The following MAP4K4 variants were observed in gnomAD, a reference collection of about 807,000 sequenced individuals.
MAP4K4 encodes the protein HPK/GCK-like kinase HGK.
MAP4K4 carries 38 observed loss-of-function variants against 189.6 expected under a neutral mutation model. The observed-to-expected ratio is 0.20, with a 90% CI of 0.15 to 0.26. The LOEUF is 0.26. MAP4K4 is among the 10% of genes least tolerant of loss of function. MAP4K4 has a pLI of 1.00. For missense variants in MAP4K4, 1,054 were observed against 1,726.9 expected, an observed-to-expected ratio of 0.61 and a Z score of 6.91; for synonymous variants, 610 against 624.3, an observed-to-expected ratio of 0.98 and a Z score of 0.34.
At chr2:101,864,082 T>C in intron 17 of MAP4K4, 31 bp downstream of exon 17, 1 of 1,202,054 alleles carries the variant, frequency 8.3e-7, no homozygotes, top group Non-Finnish European at 1.1e-6. Context: ...TGTGTGCTGC[T>C]TTTTTCCTTT....
chr2:101,741,254 G>A (rs933754588), intron 2 of MAP4K4, among the ~76,000 whole-genome samples: 5 of 146,622 alleles, frequency 3.4e-5, no homozygotes, highest in South Asian at 4.4e-4. Context: ...TGCAAGCTCC[G>A]CCTCCTGGGT....
At chr2:101,773,630 A>G (rs1360425635) in intron 2 of MAP4K4, among the ~76,000 whole-genome samples, 2 of 152,174 alleles carry the variant, frequency 1.3e-5, no homozygotes, top group Non-Finnish European at 2.9e-5. Context: ...TAAAATGTAC[A>G]ATTAAATTAT....
intron 2 of MAP4K4, 41 bp from the exon 3 acceptor site, chr2:101,790,679 A>C (rs1410791391): frequency 6.7e-7 from 1 of 1,497,998 alleles, no homozygotes; most frequent in Admixed American, 1.8e-5. Context: ...TTGTGCAAAA[A>C]AATTGGTGCT....
intron 2 of MAP4K4, among the ~76,000 whole-genome samples, chr2:101,782,998 T>C (rs1421018761): frequency 6.6e-6 from 1 of 152,140 alleles, no homozygotes; most frequent in South Asian, 2.1e-4. Flanking sequence ...GCTGTACTCA[T>C]GCCATTCAGC....
chr2:101,750,933 G>C (rs1330991985), intron 2 of MAP4K4, among the ~76,000 whole-genome samples: 1 of 151,926 alleles, frequency 6.6e-6, no homozygotes, highest in Non-Finnish European at 1.5e-5. Flanking sequence ...GTTTGCTTCT[G>C]CTGTAAGTCC....
At chr2:101,776,221 G>C (rs2084019757) in intron 2 of MAP4K4, among the ~76,000 whole-genome samples, 1 of 152,146 alleles carries the variant, frequency 6.6e-6, no homozygotes, top group Non-Finnish European at 1.5e-5. Context: ...TTAATTAAAA[G>C]TAAAACAAAA....
intron 27 of MAP4K4, among the ~76,000 whole-genome samples, chr2:101,879,236 G>A (rs1173405366): frequency 6.9e-6 from 1 of 145,346 alleles, no homozygotes; most frequent in Non-Finnish European, 1.5e-5. Context: ...ATTATAATCA[G>A]CTGATACCAG....
intron 12 of MAP4K4, 62 bp from the exon 13 acceptor site, chr2:101,855,915 T>C: frequency 6.7e-7 from 1 of 1,502,194 alleles, no homozygotes; most frequent in Non-Finnish European, 9.0e-7. Flanking sequence ...ATCAGCACAC[T>C]ATAACATCAT....
At chr2:101,799,737 G>T (rs898664711) in intron 3 of MAP4K4, among the ~76,000 whole-genome samples, 2 of 152,100 alleles carry the variant, frequency 1.3e-5, no homozygotes, top group Non-Finnish European at 2.9e-5. Flanking sequence ...GAGTAGGTGG[G>T]ACTACAGATG....
intron 26 of MAP4K4, among the ~76,000 whole-genome samples, chr2:101,875,825 A>G (rs914534583): frequency 1.3e-5 from 2 of 152,236 alleles, no homozygotes; most frequent in African/African-American, 4.8e-5. Context: ...GCTTTGGCCA[A>G]GGGGCAGGCA....
intron 2 of MAP4K4, among the ~76,000 whole-genome samples, chr2:101,713,511 G>A (rs1213647349): frequency 2.0e-5 from 3 of 151,446 alleles, no homozygotes; most frequent in African/African-American, 4.9e-5. Context: ...CATGAGAATT[G>A]CTTGAACTCA....
chr2:101,811,386 A>AAGGG (rs1553493583), intron 3 of MAP4K4, among the ~76,000 whole-genome samples: 10 of 140,754 alleles, frequency 7.1e-5, no homozygotes, highest in African/African-American at 3.1e-4. Context: ...AAAAAAAAAA[A>AAGGG]AAAAAGAATG....
At chr2:101,719,656 G>A (rs1574176067) in intron 2 of MAP4K4, among the ~76,000 whole-genome samples, 1 of 152,182 alleles carries the variant, frequency 6.6e-6, no homozygotes, top group East Asian at 1.9e-4. Context: ...ACCTAGGAAA[G>A]CAGACAGTAA....
rs141502215 is a variant in MAP4K4, at chr2:101,831,123, C to T, written c.509-598C>T. Reference sequence around the variant, plus strand: ...TCTTCCTGCCAGCTCTGCCTCCCGTCCTTGAACTTTCCTCTAGACCACCAC... The same window carrying T: ...TCTTCCTGCCAGCTCTGCCTCCCGTTCTTGAACTTTCCTCTAGACCACCAC... On this transcript the variant is annotated intron_variant, in intron 6 of 32. Transcript: ENST00000324219. Among the ~76,000 whole-genome samples, 726 of 152,266 alleles carry T rather than the reference C, an allele frequency of 4.8e-3. 9 individuals carry two copies. Among genetic ancestry groups the T allele is most frequent in the African/African-American group, 0.017 (687 of 41,532 alleles).
rs916558479 is a variant in MAP4K4 at position 101,891,328 on chromosome 2, C to T, written c.*79C>T. 1.4e-5 allele frequency: 18 copies of T among 1,277,388 alleles called. No individual in the cohort carries two copies. In the East Asian group the frequency reaches 1.6e-4, roughly 12 times the overall value. The allele number at this position is 1,277,388 out of a possible 1,614,324, so 79.1% of individuals were successfully genotyped here. A position where few individuals can be genotyped will look rare whatever the true frequency, so the allele number is the denominator to read the frequency against. Reference sequence around the variant, plus strand: ...CTTGGAATTCCTTGTAACTGGAGCTCGGAGCTGCACCGAGGGCAACCAGGA... The same window carrying T: ...CTTGGAATTCCTTGTAACTGGAGCTTGGAGCTGCACCGAGGGCAACCAGGA... On this transcript the variant is annotated 3_prime_UTR_variant, in exon 33 of 33. Transcript: ENST00000324219.
chr2:101,827,752 AG>A (rs2096426622), intron 5 of MAP4K4, among the ~76,000 whole-genome samples: 1 of 152,202 alleles, frequency 6.6e-6, no homozygotes, highest in South Asian at 2.1e-4. Flanking sequence ...TCCACATGGC[AG>A]TATCTTCATA....
intron 2 of MAP4K4, among the ~76,000 whole-genome samples, chr2:101,707,622 C>A (rs373730731): frequency 2.0e-5 from 3 of 152,026 alleles, no homozygotes; most frequent in African/African-American, 7.2e-5. Context: ...AAGCAAACTT[C>A]CCACATCAGC....
At chr2:101,748,050 A>T (rs2066558390) in intron 2 of MAP4K4, among the ~76,000 whole-genome samples, 3 of 152,208 alleles carry the variant, frequency 2.0e-5, no homozygotes, top group Admixed American at 2.0e-4. Context: ...TCAGTTGTAT[A>T]CATTGTAGTC....
chr2:101,802,602 C>T (rs1207878459), intron 3 of MAP4K4, among the ~76,000 whole-genome samples: 1 of 152,102 alleles, frequency 6.6e-6, no homozygotes, highest in Non-Finnish European at 1.5e-5. Flanking sequence ...CAGCTCACTC[C>T]CACACTTTCT....
Sources: gnomAD v4.1 joint callset for allele counts (sites outside exome capture counted in the v4.1 genomes callset) on GRCh38, gnomAD v4.1.1 for gene constraint, MANE v1.5 for transcripts, NCBI Gene and HGNC (gene_info 2026-07-23, HGNC 2026-07-21) for gene names.